Variants in CTNNA3 observed in about 807,000 individuals in gnomAD.
The protein encoded by CTNNA3 is catenin alpha 3.
Under a neutral mutation model 95.7 loss-of-function variants are expected in CTNNA3, and 76 were observed. That is an observed-to-expected ratio of 0.79 (90% confidence interval 0.66 to 0.96). The LOEUF (loss-of-function observed/expected upper bound fraction) is 0.96, where lower values mean the gene tolerates loss of function less well. Among genes scored for constraint, CTNNA3 ranks in the 40% least tolerant of loss-of-function variants. The pLI, the probability that CTNNA3 is intolerant of heterozygous loss-of-function variation, is 0.00. For missense variants in CTNNA3, 1,191 were observed against 1,089.8 expected (o/e 1.09, Z -1.31); for synonymous variants, 431 against 374.4 (o/e 1.15, Z -1.74).
intron 10 of CTNNA3, among the ~76,000 whole-genome samples, chr10:66,574,458 A>T (rs1842950163): frequency 6.6e-6 from 1 of 152,122 alleles, no homozygotes; most frequent in South Asian, 2.1e-4. Context: ...CAAAAATAAG[A>T]TAATTTAAAA....
At chr10:66,377,380 G>A (rs1408412083) in intron 12 of CTNNA3, among the ~76,000 whole-genome samples, 2 of 151,918 alleles carry the variant, frequency 1.3e-5, no homozygotes, top group Non-Finnish European at 2.9e-5. Flanking sequence ...TGATAATGTA[G>A]CCATATGGAT....
chr10:66,739,110 CA>C (rs1341520366), intron 9 of CTNNA3, among the ~76,000 whole-genome samples: 5 of 152,260 alleles, frequency 3.3e-5, no homozygotes, highest in African/African-American at 9.6e-5. Flanking sequence ...AATCTCTGAA[CA>C]AAAGATCCAG....
chr10:67,697,811 T>C (rs1420675049), upstream of CTNNA3, among the ~76,000 whole-genome samples: 1 of 152,200 alleles, frequency 6.6e-6, no homozygotes, highest in African/African-American at 2.4e-5. Flanking sequence ...AGCTGAAGTA[T>C]TTCCCACTAT....
intron 11 of CTNNA3, among the ~76,000 whole-genome samples, chr10:66,422,250 A>G (rs1168402404): frequency 6.6e-6 from 1 of 152,146 alleles, no homozygotes; most frequent in Non-Finnish European, 1.5e-5. Context: ...GCTCAAAATG[A>G]AACTAATAAG....
intron 13 of CTNNA3, among the ~76,000 whole-genome samples, chr10:66,221,984 G>A (rs2088957679): frequency 1.3e-5 from 2 of 152,138 alleles, no homozygotes; most frequent in South Asian, 4.1e-4. Flanking sequence ...TTACAGAAAA[G>A]GGCCTTGCAT....
chr10:66,443,474 T>C (rs1486751607), intron 11 of CTNNA3, among the ~76,000 whole-genome samples: 1 of 151,876 alleles, frequency 6.6e-6, no homozygotes, highest in Non-Finnish European at 1.5e-5. Flanking sequence ...AGAGGAACGA[T>C]CAGGCAGCAG....
intron 5 of CTNNA3, among the ~76,000 whole-genome samples, chr10:67,416,092 G>T (rs1845528005): frequency 6.6e-6 from 1 of 152,036 alleles, no homozygotes; most frequent in Admixed American, 6.6e-5. Flanking sequence ...CCTTGGCAAA[G>T]AATTTATGGC....
chr10:66,229,202 C>A lies in CTNNA3; in HGVS notation c.1884+51268G>T, dbSNP rs199815274. Among the ~76,000 whole-genome samples the A allele has an allele frequency of 1.2e-4, 19 of 152,182 alleles. No individual in the cohort carries two copies. The East Asian group carries it at 2.7e-3, about 22-fold the overall frequency. Reference sequence around the variant, plus strand: ...AATTGTTTACTGGTTGTGTTGTAAACCCTTTGTTTTCTTCTCTGCCTCTTA... The same window carrying A: ...AATTGTTTACTGGTTGTGTTGTAAAACCTTTGTTTTCTTCTCTGCCTCTTA... On this transcript the variant is annotated intron_variant, in intron 13 of 17. Transcript: ENST00000433211.
chr10:66,524,164 A>C (rs964677971), intron 10 of CTNNA3, among the ~76,000 whole-genome samples: 4 of 152,274 alleles, frequency 2.6e-5, no homozygotes, highest in Non-Finnish European at 4.4e-5. Context: ...ATCCATGGAA[A>C]TATCACCACA....
At chr10:67,126,894 C>G (rs548724209) in intron 7 of CTNNA3, among the ~76,000 whole-genome samples, 10 of 150,994 alleles carry the variant, frequency 6.6e-5, no homozygotes, top group African/African-American at 2.5e-4. Flanking sequence ...AAATGAGGAA[C>G]CAAACTATGC....
chr10:66,694,636 T>C (rs565492047), intron 9 of CTNNA3, among the ~76,000 whole-genome samples: 3 of 152,116 alleles, frequency 2.0e-5, no homozygotes, highest in Non-Finnish European at 2.9e-5. Flanking sequence ...TTTAAAAATA[T>C]GTAAAAATAA....
intron 7 of CTNNA3, among the ~76,000 whole-genome samples, chr10:66,915,950 T>C (rs1235926247): frequency 1.3e-5 from 2 of 152,042 alleles, no homozygotes; most frequent in African/African-American, 4.8e-5. Flanking sequence ...GATTTCACCA[T>C]GTTGGCCAGG....
chr10:67,662,185 A>G (rs1840208892), intron 1 of CTNNA3, among the ~76,000 whole-genome samples: 1 of 152,186 alleles, frequency 6.6e-6, no homozygotes, highest in African/African-American at 2.4e-5. Context: ...GGATAGTACC[A>G]AACCCTATAT....
intron 7 of CTNNA3, among the ~76,000 whole-genome samples, chr10:67,000,834 G>A (rs545967736): frequency 9.2e-5 from 14 of 152,168 alleles, no homozygotes; most frequent in Admixed American, 3.3e-4. Context: ...AAAAGCTAAG[G>A]CAATCTGAGA....
chr10:66,013,591 T>G (rs890080866), intron 15 of CTNNA3, among the ~76,000 whole-genome samples: 3 of 152,232 alleles, frequency 2.0e-5, no homozygotes, highest in Admixed American at 6.5e-5. Flanking sequence ...TGCAAGAGGC[T>G]TTGATGTCAA....
intron 7 of CTNNA3, among the ~76,000 whole-genome samples, chr10:66,776,190 A>T (rs2132824441): frequency 6.6e-6 from 1 of 152,250 alleles, no homozygotes; most frequent in Admixed American, 6.5e-5. Context: ...CTTGGTTGGT[A>T]TTTTCTACAT....
chr10:67,371,369 TCCCTCCC>T, intron 5 of CTNNA3, among the ~76,000 whole-genome samples: 1 of 134,236 alleles, frequency 7.4e-6, no homozygotes, highest in Admixed American at 7.8e-5. Context: ...CCTAATGCTA[TCCCTCCC>T]CCCTCCCCCC....
At chr10:67,136,197 A>AT (rs1860301787) in intron 7 of CTNNA3, among the ~76,000 whole-genome samples, 2 of 152,010 alleles carry the variant, frequency 1.3e-5, no homozygotes, top group African/African-American at 4.8e-5. Context: ...GTCATTACAT[A>AT]TTCCATTATC....
intron 13 of CTNNA3, among the ~76,000 whole-genome samples, chr10:66,274,809 T>C (rs901410159): frequency 2.0e-5 from 3 of 152,276 alleles, no homozygotes; most frequent in African/African-American, 7.2e-5. Context: ...GATAAATCAA[T>C]CTGTAAGTCA....
Sources: gnomAD v4.1 joint callset for allele counts (sites outside exome capture counted in the v4.1 genomes callset) on GRCh38, gnomAD v4.1.1 for gene constraint, MANE v1.5 for transcripts, NCBI Gene and HGNC (gene_info 2026-07-23, HGNC 2026-07-21) for gene names.